NCOR2: variants seen among roughly 807,000 people sequenced by gnomAD.
NCOR2 encodes CTG repeat protein 26.
In NCOR2, 81 loss-of-function variants were observed where a neutral mutation model predicts 262.9. That is an observed-to-expected ratio of 0.31 (90% confidence interval 0.26 to 0.37). The LOEUF is 0.37. NCOR2 is among the 10% of genes least tolerant of loss of function. The pLI, the probability that NCOR2 is intolerant of heterozygous loss-of-function variation, is 1.00. For synonymous variants in NCOR2, 1,659 were observed against 1,559.3 expected (o/e 1.06, Z -1.51); for missense variants, 3,385 against 3,621.4 (o/e 0.93, Z 1.68).
intron 1 of NCOR2, among the ~76,000 whole-genome samples, chr12:124,563,678 C>T (rs918739286): frequency 3.9e-5 from 6 of 152,270 alleles, no homozygotes; most frequent in Admixed American, 1.3e-4. Flanking sequence ...ACAGCAGTGT[C>T]GCCAAGGCGA....
chr12:124,367,690 T>C (rs1046829400), intron 20 of NCOR2, among the ~76,000 whole-genome samples: 3 of 152,190 alleles, frequency 2.0e-5, no homozygotes, highest in Non-Finnish European at 4.4e-5. Context: ...TGGAGTGCAG[T>C]GGCACAATCT....
At chr12:124,349,848 G>T (rs1490458192) in intron 28 of NCOR2, among the ~76,000 whole-genome samples, 1 of 152,090 alleles carries the variant, frequency 6.6e-6, no homozygotes, top group Non-Finnish European at 1.5e-5. Flanking sequence ...GGGCACCAGG[G>T]CATGAGCTGG....
chr12:124,352,410 A>AAT (rs2037566494), intron 27 of NCOR2, among the ~76,000 whole-genome samples: 1 of 145,578 alleles, frequency 6.9e-6, no homozygotes, highest in African/African-American at 2.6e-5. Context: ...GTCTTGCTGT[A>AAT]TTGCCCAGGC....
intron 1 of NCOR2, among the ~76,000 whole-genome samples, chr12:124,500,888 G>A (rs1014735484): frequency 3.8e-4 from 58 of 152,148 alleles, no homozygotes; most frequent in African/African-American, 1.3e-3. Flanking sequence ...GCTCAGCCGC[G>A]GGCTGTGGGG....
At chr12:124,423,186 G>A (rs1174028828) in intron 11 of NCOR2, among the ~76,000 whole-genome samples, 1 of 152,212 alleles carries the variant, frequency 6.6e-6, no homozygotes, top group Admixed American at 6.5e-5. Context: ...CTGGGCCCAG[G>A]CTGAAATGTG....
chr12:124,337,169 G>T, exon 38 of NCOR2: 4 of 1,538,736 alleles, frequency 2.6e-6, no homozygotes, highest in Non-Finnish European at 3.5e-6. Context: ...GGGTGAGGAG[G>T]TGGAGGTGGA....
At chr12:124,472,804 G>T in intron 4 of NCOR2, 148 bp downstream of exon 6, 1 of 983,688 alleles carries the variant, frequency 1.0e-6, no homozygotes, top group Non-Finnish European at 1.6e-6. Flanking sequence ...CTGTGGATGT[G>T]CTCCTGTCCA....
At chr12:124,507,600 TG>T (rs1339118435) in intron 1 of NCOR2, among the ~76,000 whole-genome samples, 1 of 152,184 alleles carries the variant, frequency 6.6e-6, no homozygotes, top group Non-Finnish European at 1.5e-5. Context: ...GGCAGCGACT[TG>T]CACCTCTGAT....
rs11057638 is a variant in NCOR2 at position 124,492,265 on chromosome 12, C to T, written c.105+2882G>A. Among the ~76,000 whole-genome samples the T allele has an allele frequency of 8.5e-3, 1,296 of 152,330 alleles. 22 individuals are homozygous for T. The highest frequency in any genetic ancestry group is 0.03 in the African/African-American group (1,227 of 41,566). ...CCGCGCTTGCTGCGTGCAGACATTG[C>T]CACCGATGCACAGACCCACCAGGAC... On this transcript the variant is annotated intron_variant, in intron 1 of 46. Coordinates refer to ENST00000405201, the Ensembl canonical transcript of NCOR2.
At chr12:124,329,367 G>A (rs2034982725) in intron 44 of NCOR2, among the ~76,000 whole-genome samples, 1 of 152,094 alleles carries the variant, frequency 6.6e-6, no homozygotes, top group African/African-American at 2.4e-5. Flanking sequence ...AGGCTGAGGT[G>A]GAAGAACTGC....
In NCOR2 at chr12:124,335,498, G is replaced by A. The variant is rs371813927; in HGVS notation, c.6250C>T (p.Arg2084Trp). 11 of 1,606,482 alleles carry A rather than the reference G, an allele frequency of 6.8e-6. No homozygotes were observed. Among genetic ancestry groups the A allele is most frequent in the Middle Eastern group, 1.8e-4 (1 of 5,638 alleles). ...TGGGGCGTACCTGGCTGCTTGGGCCGCAGCTCCCCCTCCAGGTGGCTCTTG... is the reference window on the plus strand; with the variant it reads ...TGGGGCGTACCTGGCTGCTTGGGCCACAGCTCCCCCTCCAGGTGGCTCTTG... The change falls in exon 39 of 47, where the codon CGG becomes TGG. Residue 2084 changes from arginine (R) to tryptophan (W), a missense_variant. This residue lies in a region of NCOR2 where 1,017 missense variants were observed against 967.2 expected (regional missense o/e 1.05). Coordinates refer to ENST00000405201, the Ensembl canonical transcript of NCOR2.
At chr12:124,500,668 T>G (rs1487955076) in intron 1 of NCOR2, among the ~76,000 whole-genome samples, 1 of 151,774 alleles carries the variant, frequency 6.6e-6, no homozygotes, top group Non-Finnish European at 1.5e-5. Context: ...GAGGCGCCTT[T>G]CCGGGAGGCC....
intron 4 of NCOR2, among the ~76,000 whole-genome samples, chr12:124,467,171 A>C: frequency 1.2e-5 from 1 of 81,094 alleles, no homozygotes; most frequent in African/African-American, 5.0e-5. Context: ...TCATCACCCC[A>C]TCACCTGCAT....
chr12:124,328,459 C>T (rs1284057855), intron 44 of NCOR2: 1 of 152,574 alleles, frequency 6.6e-6, no homozygotes, highest in African/African-American at 2.4e-5. Context: ...AAACCGGTCC[C>T]AAGAGGATGC....
chr12:124,409,010 C>T (rs981223665), intron 13 of NCOR2, among the ~76,000 whole-genome samples: 7 of 152,160 alleles, frequency 4.6e-5, no homozygotes, highest in Non-Finnish European at 7.3e-5. Context: ...CCATGGCAAC[C>T]GGCACATGCT....
chr12:124,333,106 C>T (rs769306086), intron 42 of NCOR2, 24 bp downstream of exon 44: 65 of 1,577,362 alleles, frequency 4.1e-5, no homozygotes, highest in South Asian at 4.7e-5. Context: ...ATCCCGGGGG[C>T]AGCGCATGTG....
intron 1 of NCOR2, among the ~76,000 whole-genome samples, chr12:124,533,371 C>G (rs1165400328): frequency 6.6e-6 from 1 of 152,018 alleles, no homozygotes; most frequent in East Asian, 1.9e-4. Context: ...CCCCCAGATA[C>G]CTACATGCTT....
At chr12:124,500,145 T>G (rs937915170), upstream of NCOR2, among the ~76,000 whole-genome samples, 5 of 151,928 alleles carry the variant, frequency 3.3e-5, no homozygotes, top group Non-Finnish European at 7.4e-5. Flanking sequence ...TCAAGGGACT[T>G]GTAGATCTCA....
chr12:124,452,927 C>T (rs941155704), intron 6 of NCOR2, among the ~76,000 whole-genome samples: 1 of 152,176 alleles, frequency 6.6e-6, no homozygotes, highest in Non-Finnish European at 1.5e-5. Context: ...GAACTGCCCC[C>T]CTGGGAGGCA....
Sources: gnomAD v4.1 joint callset for allele counts (sites outside exome capture counted in the v4.1 genomes callset) on GRCh38, gnomAD v4.1.1 for gene constraint, gnomAD v4.1.1 regional missense constraint, MANE v1.5 for transcripts, NCBI Gene and HGNC (gene_info 2026-07-23, HGNC 2026-07-21) for gene names.